Variants in PDE11A observed in about 807,000 individuals in gnomAD.
The protein encoded by PDE11A is phosphodiesterase 11A, also known as dual 3',5'-cyclic-AMP and -GMP phosphodiesterase 11A.
PDE11A carries 100 observed loss-of-function variants against 100.5 expected under a neutral mutation model. The ratio of observed to expected loss-of-function variants is 1.00; its 90% confidence interval spans 0.85 to 1.18. The LOEUF (loss-of-function observed/expected upper bound fraction) is 1.18, where lower values mean the gene tolerates loss of function less well. PDE11A is among the 50% of genes most tolerant of loss of function. The pLI, the probability that PDE11A is intolerant of heterozygous loss-of-function variation, is 0.00. For missense variants in PDE11A, 1,141 were observed against 1,152.6 expected (o/e 0.99, Z 0.15); for synonymous variants, 381 against 420.8 (o/e 0.91, Z 1.16).
rs144037662 is a variant in PDE11A, at chr2:177,822,079, G to T, written c.1501-1784C>A. 1.6e-3 allele frequency among the ~76,000 whole-genome samples: 247 copies of T among 151,744 alleles called. 1 individual carries two copies. Among genetic ancestry groups the T allele is most frequent in the Middle Eastern group, 0.01 (3 of 294 alleles). On this transcript the variant is annotated intron_variant, in intron 6 of 19. Coordinates refer to ENST00000286063, the MANE Select transcript of PDE11A (RefSeq NM_016953.4). The stretch of plus-strand genomic sequence containing the variant: ...TTTAATGGTGTCTTTTGATTCAGAG[G>T]TCCCTAATATGATATAGGCAAATAT...
intron 19 of PDE11A, among the ~76,000 whole-genome samples, chr2:177,646,199 C>T (rs899944097): frequency 6.6e-6 from 1 of 152,180 alleles, no homozygotes; most frequent in Non-Finnish European, 1.5e-5. Flanking sequence ...AAATAGGCTG[C>T]ATGATAGAGT....
intron 19 of PDE11A, among the ~76,000 whole-genome samples, chr2:177,650,258 TC>T (rs1337948345): frequency 6.6e-6 from 1 of 152,218 alleles, no homozygotes; most frequent in African/African-American, 2.4e-5. Flanking sequence ...CTTATTTAGT[TC>T]CTCAAATTTG....
At chr2:178,021,816 AAG>A (rs1423995671) in intron 1 of PDE11A, among the ~76,000 whole-genome samples, 4 of 151,418 alleles carry the variant, frequency 2.6e-5, no homozygotes, top group Non-Finnish European at 4.4e-5. Context: ...GGAGAGGTGG[AAG>A]GGAGTGTCCC....
intron 2 of PDE11A, among the ~76,000 whole-genome samples, chr2:178,089,357 T>A (rs2087394238): frequency 6.6e-6 from 1 of 152,142 alleles, no homozygotes; most frequent in African/African-American, 2.4e-5. Flanking sequence ...GGAGAAAGAT[T>A]GAGCTCAACT....
chr2:177,774,812 C>T (rs993147639), intron 9 of PDE11A, among the ~76,000 whole-genome samples: 11 of 152,122 alleles, frequency 7.2e-5, no homozygotes, highest in Non-Finnish European at 1.5e-4. Context: ...GAATAATGCT[C>T]CCCCACAAGA....
At chr2:177,929,422 T>TTTATTTAGTAACTTC (rs1248517285) in intron 2 of PDE11A, among the ~76,000 whole-genome samples, 2 of 152,212 alleles carry the variant, frequency 1.3e-5, no homozygotes, top group Non-Finnish European at 2.9e-5. Flanking sequence ...ACTGCATGAA[T>TTTATTTAGTAACTTC]CCTGAGAAGG....
At chr2:177,692,499 G>C (rs1002655109) in intron 15 of PDE11A, among the ~76,000 whole-genome samples, 2 of 152,136 alleles carry the variant, frequency 1.3e-5, no homozygotes, top group African/African-American at 4.8e-5. Context: ...CTATACCCCT[G>C]TTGCTGACAA....
chr2:177,859,437 G>C (rs1263380550), intron 5 of PDE11A, among the ~76,000 whole-genome samples: 8 of 151,380 alleles, frequency 5.3e-5, no homozygotes, highest in African/African-American at 1.9e-4. Context: ...TTATAAATAA[G>C]CATACACCTA....
intron 1 of PDE11A, among the ~76,000 whole-genome samples, chr2:178,052,691 A>G (rs1478999393): frequency 2.0e-5 from 3 of 151,474 alleles, no homozygotes; most frequent in African/African-American, 4.9e-5. Flanking sequence ...TATCACCACC[A>G]ATCCCACAGA....
At chr2:177,937,319 C>CTTTTTTT (rs33967413) in intron 2 of PDE11A, among the ~76,000 whole-genome samples, 1 of 125,770 alleles carries the variant, frequency 8.0e-6, no homozygotes, top group Non-Finnish European at 1.6e-5. Context: ...AAATTGAAAG[C>CTTTTTTT]TTTTTTTTTT....
intron 2 of PDE11A, among the ~76,000 whole-genome samples, chr2:177,957,486 A>C (rs2085579799): frequency 1.3e-5 from 2 of 152,224 alleles, no homozygotes; most frequent in Admixed American, 6.5e-5. Flanking sequence ...CCCATTATGT[A>C]GTACATTGTG....
At chr2:177,717,793 A>C (rs1376377598) in intron 12 of PDE11A, among the ~76,000 whole-genome samples, 1 of 152,118 alleles carries the variant, frequency 6.6e-6, no homozygotes, top group Non-Finnish European at 1.5e-5. Context: ...ACTCCAAAAG[A>C]CCCAAGCCAG....
intron 5 of PDE11A, among the ~76,000 whole-genome samples, chr2:177,841,887 TCAAAA>T (rs1294252489): frequency 8.2e-6 from 1 of 122,522 alleles, no homozygotes; most frequent in Non-Finnish European, 1.7e-5. Flanking sequence ...CTAAAACAAA[TCAAAA>T]CAAAAGAACA....
intron 7 of PDE11A, among the ~76,000 whole-genome samples, chr2:177,819,860 T>TTCTCTTTC (rs60572849): frequency 0.023 from 2,380 of 102,000 alleles, 65 homozygotes; most frequent in South Asian, 0.044. Flanking sequence ...CTTTCTCTCT[T>TTCTCTTTC]TCTCTCTTTC....
chr2:177,638,373 C>A (rs1017116745), intron 19 of PDE11A, among the ~76,000 whole-genome samples: 1 of 152,104 alleles, frequency 6.6e-6, no homozygotes, highest in Non-Finnish European at 1.5e-5. Context: ...TAATATCTTC[C>A]ATGACCCCTT....
At chr2:177,702,720 A>G (rs2081219002) in intron 13 of PDE11A, 2 of 152,116 alleles carry the variant, frequency 1.3e-5, no homozygotes, top group African/African-American at 2.4e-5. Context: ...TCTTCTCCCA[A>G]TATGTGGTCA....
rs190970469 is a variant in PDE11A at position 177,700,374 on chromosome 2, T to C, written c.2244+747A>G. Among the ~76,000 whole-genome samples, 106 of 142,764 alleles carry C rather than the reference T, an allele frequency of 7.4e-4. 1 individual carries two copies. The highest frequency in any genetic ancestry group is 2.5e-3 in the African/African-American group (92 of 37,298). 93.7% of individuals were successfully genotyped at this position (142,764 alleles called of 152,430 possible). ...GCACAGCTAGAGAACTGACAAATAA[T>C]GGGGAACAGATGATCCCTTCCTGGC... is the stretch of plus-strand genomic sequence containing the variant. On this transcript the variant is annotated intron_variant, in intron 14 of 19. Coordinates refer to ENST00000286063, the MANE Select transcript of PDE11A (RefSeq NM_016953.4).
At chr2:178,001,255 C>T (rs1457730948) in intron 2 of PDE11A, among the ~76,000 whole-genome samples, 4 of 141,908 alleles carry the variant, frequency 2.8e-5, no homozygotes, top group African/African-American at 5.5e-5. Context: ...CTTTACATTC[C>T]TTAGCAAAGA....
intron 13 of PDE11A, among the ~76,000 whole-genome samples, chr2:177,710,345 G>A (rs2081341362): frequency 6.6e-6 from 1 of 151,866 alleles, no homozygotes. Context: ...GAGGCAAGGT[G>A]ATCTGCTGAG....
Sources: allele counts gnomAD v4.1 joint callset (sites outside exome capture counted in the v4.1 genomes callset), GRCh38; gene constraint gnomAD v4.1.1; transcripts MANE v1.5; gene names NCBI Gene and HGNC (gene_info 2026-07-23, HGNC 2026-07-21).